The following DMD variants were observed in gnomAD, a reference collection of about 807,000 sequenced individuals.
DMD encodes the protein mutant dystrophin.
Under a neutral mutation model 330.1 loss-of-function variants are expected in DMD, and 63 were observed. The ratio of observed to expected loss-of-function variants is 0.19; its 90% CI spans 0.16 to 0.24. DMD has a LOEUF of 0.24. Among genes scored for constraint, DMD ranks in the 10% least tolerant of loss-of-function variants. The pLI, the probability that DMD is intolerant of heterozygous loss-of-function variation, is 1.00. For missense variants in DMD, 3,344 were observed against 2,684.1 expected, an observed-to-expected ratio of 1.25 and a Z score of -5.43; for synonymous variants, 1,223 against 959.8, an observed-to-expected ratio of 1.27 and a Z score of -5.07.
At chrX:32,729,753 T>C (rs961801810) in intron 7 of DMD, among the ~76,000 whole-genome samples, 3 of 31,306 alleles carry the variant, frequency 9.6e-5, no homozygotes, top group Non-Finnish European at 9.6e-5. Flanking sequence ...CATGTTCTGG[T>C]TCTTTAATAA....
chrX:32,184,483 G>A (rs1191175135), intron 44 of DMD, among the ~76,000 whole-genome samples: 1 of 111,159 alleles, frequency 9.0e-6, no homozygotes, highest in Non-Finnish European at 1.9e-5. Context: ...GAAAGAAACG[G>A]AAGGAATTGT....
At chrX:31,479,768 G>C in intron 57 of DMD, among the ~76,000 whole-genome samples, 1 of 112,144 alleles carries the variant, frequency 8.9e-6, no homozygotes. Flanking sequence ...TCTTTAATCT[G>C]TAATCTTCCT....
intron 60 of DMD, among the ~76,000 whole-genome samples, chrX:31,379,593 C>G (rs1049779614): frequency 1.5e-4 from 17 of 111,715 alleles, no homozygotes; most frequent in African/African-American, 4.2e-4. Flanking sequence ...CTTAATTAAC[C>G]TCGCCTTCAA....
chrX:32,092,035 A>T (rs754546555), intron 44 of DMD, among the ~76,000 whole-genome samples: 1 of 111,873 alleles, frequency 8.9e-6, no homozygotes, highest in African/African-American at 3.2e-5. Flanking sequence ...CAACATTTAA[A>T]ATTTGCCTAG....
intron 2 of DMD, among the ~76,000 whole-genome samples, chrX:32,931,861 A>C (rs1455739428): frequency 8.9e-6 from 1 of 111,763 alleles, no homozygotes; most frequent in African/African-American, 3.2e-5. Context: ...TCCAATATCT[A>C]CTGTGTCAAA....
At chrX:31,401,894 A>G (rs1357411145) in intron 60 of DMD, among the ~76,000 whole-genome samples, 6 of 111,272 alleles carry the variant, frequency 5.4e-5, no homozygotes, top group African/African-American at 2.0e-4. Context: ...TCTTACTACA[A>G]CACCCTACTG....
At chrX:32,967,184 T>C (rs2092194110) in intron 2 of DMD, among the ~76,000 whole-genome samples, 1 of 111,563 alleles carries the variant, frequency 9.0e-6, no homozygotes, top group East Asian at 2.8e-4. Flanking sequence ...TCCCAGCCAG[T>C]CCATTGCTCA....
intron 44 of DMD, among the ~76,000 whole-genome samples, chrX:32,032,123 C>T (rs983047211): frequency 2.7e-5 from 3 of 110,361 alleles, no homozygotes; most frequent in Non-Finnish European, 5.7e-5. Flanking sequence ...TAATGCTGAC[C>T]GAAAGATTTT....
intron 1 of DMD, among the ~76,000 whole-genome samples, chrX:33,052,391 C>G (rs1405699250): frequency 8.9e-6 from 1 of 112,019 alleles, no homozygotes; most frequent in Non-Finnish European, 1.9e-5. Flanking sequence ...CTAGAATTAG[C>G]TATTGATGCC....
intron 53 of DMD, among the ~76,000 whole-genome samples, chrX:31,673,990 G>A (rs1053843165): frequency 9.0e-6 from 1 of 111,585 alleles, no homozygotes; most frequent in Non-Finnish European, 1.9e-5. Flanking sequence ...GAGAACAAAA[G>A]GGAATAAAGA....
At chrX:33,322,099 C>G (rs150040501) in intron 1 of DMD, among the ~76,000 whole-genome samples, 31 of 111,731 alleles carry the variant, frequency 2.8e-4, no homozygotes, top group South Asian at 7.5e-4. Flanking sequence ...TCTTTTCATT[C>G]ATGTGTGCAT....
chrX:31,380,402 G>A (rs1051095241), intron 60 of DMD, among the ~76,000 whole-genome samples: 1 of 108,883 alleles, frequency 9.2e-6, no homozygotes, highest in Non-Finnish European at 1.9e-5. Flanking sequence ...ACAAGCATAA[G>A]ACACCTCTAC....
chrX:32,806,877 G>A (rs2076980385), intron 7 of DMD, among the ~76,000 whole-genome samples: 1 of 109,989 alleles, frequency 9.1e-6, no homozygotes, highest in Non-Finnish European at 1.9e-5. Context: ...CAGAAATAAA[G>A]AAGTTCTTTG....
At chrX:32,208,896 C>G in intron 44 of DMD, among the ~76,000 whole-genome samples, 1 of 111,427 alleles carries the variant, frequency 9.0e-6, no homozygotes, top group Non-Finnish European at 1.9e-5. Context: ...GCTCTGTACA[C>G]AGAAGAGGTG....
chrX:31,377,316 G>T (rs971229761), intron 60 of DMD, among the ~76,000 whole-genome samples: 1 of 111,967 alleles, frequency 8.9e-6, no homozygotes, highest in African/African-American at 3.2e-5. Flanking sequence ...CTCAATGCAA[G>T]AGATAACAGC....
At chrX:32,127,542 C>T (rs1415750683) in intron 44 of DMD, among the ~76,000 whole-genome samples, 1 of 111,443 alleles carries the variant, frequency 9.0e-6, no homozygotes, top group Non-Finnish European at 1.9e-5. Context: ...CTCCTTCTCC[C>T]TCCTTCTTGC....
At chrX:33,235,464 C>G (rs2052459276) in intron 1 of DMD, among the ~76,000 whole-genome samples, 1 of 112,040 alleles carries the variant, frequency 8.9e-6, no homozygotes, top group Non-Finnish European at 1.9e-5. Context: ...ATCAATATGT[C>G]TTAAAATCAT....
chrX:31,693,400 C>G (rs1391022322), intron 52 of DMD, among the ~76,000 whole-genome samples: 1 of 111,568 alleles, frequency 9.0e-6, no homozygotes, highest in Non-Finnish European at 1.9e-5. Flanking sequence ...CCTTGTTTAA[C>G]TTAGTACTGG....
intron 7 of DMD, among the ~76,000 whole-genome samples, chrX:32,713,142 C>A (rs750335895): frequency 3.4e-4 from 38 of 111,887 alleles, no homozygotes; most frequent in Non-Finnish European, 6.2e-4. Flanking sequence ...AAGCAAATCA[C>A]CTGTTTGAAA....
Sources: allele counts gnomAD v4.1 joint callset (sites outside exome capture counted in the v4.1 genomes callset), GRCh38; gene constraint gnomAD v4.1.1; transcripts MANE v1.5; gene names NCBI Gene and HGNC (gene_info 2026-07-23, HGNC 2026-07-21).